Variants in PTPRG observed in about 807,000 individuals in gnomAD.
PTPRG encodes the protein protein tyrosine phosphatase receptor type G, also known as receptor-type tyrosine-protein phosphatase gamma.
A neutral mutation model predicts 165.3 loss-of-function variants in PTPRG; 102 were observed. The observed-to-expected ratio is 0.62, with a 90% CI of 0.53 to 0.73. PTPRG has a LOEUF of 0.73. PTPRG is among the 30% of genes least tolerant of loss of function. The pLI is 0.00. For synonymous variants in PTPRG, 675 were observed against 669.5 expected (o/e 1.01, Z -0.13); for missense variants, 1,866 against 1,861.4 (o/e 1.00, Z -0.05).
At chr3:62,198,375 A>G (rs1700019524) in intron 10 of PTPRG, among the ~76,000 whole-genome samples, 1 of 152,204 alleles carries the variant, frequency 6.6e-6, no homozygotes, top group Non-Finnish European at 1.5e-5. Flanking sequence ...CCCAATCACT[A>G]ACACACAGCA....
intron 2 of PTPRG, among the ~76,000 whole-genome samples, chr3:61,815,539 T>C (rs1381281167): frequency 1.3e-5 from 2 of 152,238 alleles, no homozygotes; most frequent in Non-Finnish European, 2.9e-5. Context: ...CAGTGTCATC[T>C]CTCATTTGAT....
intron 1 of PTPRG, among the ~76,000 whole-genome samples, chr3:61,700,985 C>T (rs1262050469): frequency 6.6e-6 from 1 of 152,194 alleles, no homozygotes; most frequent in East Asian, 1.9e-4. Context: ...ATCCCAGCAA[C>T]TAGCAAGGAA....
At chr3:62,150,966 CT>C (rs1162737974) in intron 6 of PTPRG, among the ~76,000 whole-genome samples, 4 of 152,138 alleles carry the variant, frequency 2.6e-5, no homozygotes, top group Non-Finnish European at 5.9e-5. Context: ...AAAGAGCTTT[CT>C]TTTTTTCCTA....
chr3:61,652,354 A>G (rs1702376918), intron 1 of PTPRG, among the ~76,000 whole-genome samples: 1 of 152,222 alleles, frequency 6.6e-6, no homozygotes, highest in Non-Finnish European at 1.5e-5. Context: ...ATAGTGCTCT[A>G]TTCCTCATTC....
At chr3:61,930,437 G>A (rs1053660099) in intron 2 of PTPRG, among the ~76,000 whole-genome samples, 2 of 152,184 alleles carry the variant, frequency 1.3e-5, no homozygotes, top group Non-Finnish European at 2.9e-5. Context: ...GCAGTGTGAT[G>A]AGGGGCTCCC....
At chr3:61,744,506 G>A (rs1385804256) in intron 1 of PTPRG, among the ~76,000 whole-genome samples, 1 of 152,168 alleles carries the variant, frequency 6.6e-6, no homozygotes, top group East Asian at 1.9e-4. Flanking sequence ...GTAAGTATCT[G>A]TGTATCTAAA....
At position 62,294,147 on chromosome 3, in the gene PTPRG, G is replaced by A. The variant is rs904042851; in HGVS notation, c.*840G>A. 3.3e-5 allele frequency: 5 copies of A among 151,986 alleles called. No individual in the cohort carries two copies. Among genetic ancestry groups the A allele is most frequent in the Non-Finnish European group, 1.5e-5 (1 of 67,984 alleles). 9.4% of individuals were successfully genotyped at this position (151,986 alleles called of 1,614,324 possible). A position where few individuals can be genotyped will look rare whatever the true frequency, so the allele number is the denominator to read the frequency against. On this transcript the variant is annotated 3_prime_UTR_variant, in exon 30 of 30. Coordinates refer to ENST00000474889, the MANE Select transcript of PTPRG (RefSeq NM_002841.4). The stretch of plus-strand genomic sequence containing the variant: ...TACAACTCAGTTATGAGACCCTTTA[G>A]TTATTCTCCATTAATGCTTCTTAGT...
intron 6 of PTPRG, among the ~76,000 whole-genome samples, chr3:62,133,287 T>A (rs1703584357): frequency 6.6e-6 from 1 of 152,240 alleles, no homozygotes. Context: ...GATCCTCTAA[T>A]TTCAAAAGTA....
intron 4 of PTPRG, among the ~76,000 whole-genome samples, chr3:62,070,113 C>T (rs1701161418): frequency 6.6e-6 from 1 of 152,086 alleles, no homozygotes; most frequent in African/African-American, 2.4e-5. Context: ...TCATTTTTCT[C>T]CATAATTTAA....
intron 2 of PTPRG, among the ~76,000 whole-genome samples, chr3:61,783,100 C>G (rs1208062419): frequency 6.6e-6 from 1 of 152,178 alleles, no homozygotes; most frequent in African/African-American, 2.4e-5. Context: ...GCCAGCACAC[C>G]CAGCTCAGTT....
At chr3:61,724,010 T>C (rs1292567565) in intron 1 of PTPRG, among the ~76,000 whole-genome samples, 2 of 152,108 alleles carry the variant, frequency 1.3e-5, no homozygotes, top group Non-Finnish European at 2.9e-5. Context: ...GGCGGGTGGA[T>C]CACTTGAGGT....
chr3:61,711,984 C>A (rs1410202800), intron 1 of PTPRG, among the ~76,000 whole-genome samples: 1 of 148,668 alleles, frequency 6.7e-6, no homozygotes, highest in Non-Finnish European at 1.5e-5. Context: ...ACATCTGCCT[C>A]CTGGGTTCAA....
At chr3:61,983,016 C>T (rs1347313870) in intron 2 of PTPRG, among the ~76,000 whole-genome samples, 2 of 152,092 alleles carry the variant, frequency 1.3e-5, no homozygotes, top group East Asian at 3.8e-4. Context: ...ATGTGTATTT[C>T]ATTATTTGCA....
intron 2 of PTPRG, among the ~76,000 whole-genome samples, chr3:61,969,277 A>G (rs981242329): frequency 5.3e-5 from 8 of 152,168 alleles, no homozygotes; most frequent in Admixed American, 1.3e-4. Flanking sequence ...ACAATGTTCC[A>G]AGGTACCTTG....
At chr3:62,264,367 G>A (rs79296206) in intron 17 of PTPRG, among the ~76,000 whole-genome samples, 7,430 of 151,934 alleles carry the variant, frequency 0.049, 251 homozygotes, top group Non-Finnish European at 0.069. Context: ...GTATATTCAC[G>A]GAGTTGTACG....
Position 62,061,066 on chromosome 3 carries a change from C to G in PTPRG, c.520-17097C>G, listed in dbSNP as rs115352225. 6.6e-3 allele frequency among the ~76,000 whole-genome samples: 1,001 copies of G among 152,290 alleles called. 16 individuals carry two copies. The highest frequency in any genetic ancestry group is 0.023 in the African/African-American group (955 of 41,552). The stretch of plus-strand genomic sequence containing the variant: ...AATGCTTCTTGAACTCCCTGAATCT[C>G]CCTTGTAACATTTGTGACACTGGTC... On this transcript the variant is annotated intron_variant, in intron 4 of 29. Coordinates refer to ENST00000474889, the MANE Select transcript of PTPRG (RefSeq NM_002841.4).
intron 2 of PTPRG, among the ~76,000 whole-genome samples, chr3:61,809,499 CA>C (rs2035511604): frequency 6.6e-6 from 1 of 152,032 alleles, no homozygotes; most frequent in South Asian, 2.1e-4. Flanking sequence ...AGAAGATACC[CA>C]AGAAATAAGG....
intron 4 of PTPRG, among the ~76,000 whole-genome samples, chr3:62,076,771 G>A (rs1457908956): frequency 6.6e-6 from 1 of 151,994 alleles, no homozygotes; most frequent in Non-Finnish European, 1.5e-5. Context: ...TGTAGGAACA[G>A]GGTTTCTCCA....
At chr3:61,800,819 C>G (rs964742523) in intron 2 of PTPRG, among the ~76,000 whole-genome samples, 1 of 151,716 alleles carries the variant, frequency 6.6e-6, no homozygotes, top group Admixed American at 6.6e-5. Flanking sequence ...AATTTTTGTA[C>G]TTTTAGTAGA....
Sources: gnomAD v4.1 joint callset for allele counts (sites outside exome capture counted in the v4.1 genomes callset) on GRCh38, gnomAD v4.1.1 for gene constraint, MANE v1.5 for transcripts, NCBI Gene and HGNC (gene_info 2026-07-23, HGNC 2026-07-21) for gene names.